NTNG1: variants seen among roughly 807,000 people sequenced by gnomAD.
NTNG1 encodes the protein netrin-G1.
In NTNG1, 16 loss-of-function variants were observed where a neutral mutation model predicts 54.0. That is an observed-to-expected ratio of 0.30 (90% CI 0.20 to 0.45). The LOEUF (loss-of-function observed/expected upper bound fraction) is 0.45. Ranked by LOEUF, NTNG1 falls within the 20% of genes least tolerant of loss-of-function variation. NTNG1 has a pLI of 1.00. For missense variants in NTNG1, 530 were observed against 678.7 expected, an observed-to-expected ratio of 0.78 and a Z score of 2.43; for synonymous variants, 255 against 263.1, an observed-to-expected ratio of 0.97 and a Z score of 0.30.
chr1:107,179,708 C>T (rs1384082679), intron 2 of NTNG1, among the ~76,000 whole-genome samples: 1 of 152,042 alleles, frequency 6.6e-6, no homozygotes, highest in Non-Finnish European at 1.5e-5. Context: ...AAAACTAGCA[C>T]TATTAGTTAT....
chr1:107,420,008 C>T (rs563326661), intron 5 of NTNG1, among the ~76,000 whole-genome samples: 1 of 152,076 alleles, frequency 6.6e-6, no homozygotes, highest in Admixed American at 6.6e-5. Flanking sequence ...GGCTTTATTC[C>T]TTGGCAAGTT....
At chr1:107,443,537 T>A (rs1570973591) in intron 7 of NTNG1, among the ~76,000 whole-genome samples, 1 of 152,250 alleles carries the variant, frequency 6.6e-6, no homozygotes, top group East Asian at 1.9e-4. Flanking sequence ...TGCGCCTAAC[T>A]TGTAATTTTT....
chr1:107,182,543 A>C (rs1001718437), intron 2 of NTNG1, among the ~76,000 whole-genome samples: 1 of 152,202 alleles, frequency 6.6e-6, no homozygotes, highest in Non-Finnish European at 1.5e-5. Context: ...CAAGAAAAAA[A>C]ATGATAAAAT....
chr1:107,363,113 AGGTT>A (rs1670391443), intron 3 of NTNG1, among the ~76,000 whole-genome samples: 3 of 152,230 alleles, frequency 2.0e-5, no homozygotes, highest in Non-Finnish European at 2.9e-5. Flanking sequence ...AATTACAGGC[AGGTT>A]TTTTCCTTGT....
At chr1:107,238,459 T>A (rs778588125) in intron 2 of NTNG1, among the ~76,000 whole-genome samples, 5 of 152,148 alleles carry the variant, frequency 3.3e-5, no homozygotes, top group Non-Finnish European at 5.9e-5. Context: ...AAGGCATGAT[T>A]GGTTTTGAAA....
At chr1:107,439,856 C>G (rs1438303281) in intron 7 of NTNG1, among the ~76,000 whole-genome samples, 1 of 151,826 alleles carries the variant, frequency 6.6e-6, no homozygotes, top group Admixed American at 6.6e-5. Flanking sequence ...TTAGTTGGTG[C>G]TGGAAGGTTG....
At chr1:107,284,864 T>C (rs1383708979) in intron 2 of NTNG1, among the ~76,000 whole-genome samples, 1 of 152,060 alleles carries the variant, frequency 6.6e-6, no homozygotes, top group Non-Finnish European at 1.5e-5. Flanking sequence ...CCTAACAGAA[T>C]TAACGCTAAC....
intron 2 of NTNG1, among the ~76,000 whole-genome samples, chr1:107,285,521 G>A (rs1008242526): frequency 1.3e-5 from 2 of 152,116 alleles, no homozygotes; most frequent in Admixed American, 6.6e-5. Flanking sequence ...CAACAGAAGT[G>A]AGTGCTGAAT....
chr1:107,142,317 T>TC (rs1653788837), intron 1 of NTNG1, among the ~76,000 whole-genome samples: 1 of 151,672 alleles, frequency 6.6e-6, no homozygotes, highest in African/African-American at 2.4e-5. Flanking sequence ...CTTTTTTTTT[T>TC]TTTCCTTCAG....
intron 2 of NTNG1, among the ~76,000 whole-genome samples, chr1:107,242,175 G>C (rs112693188): frequency 4.6e-5 from 7 of 152,062 alleles, no homozygotes; most frequent in African/African-American, 4.8e-5. Context: ...TTGGAGGAGG[G>C]GGGGTGAGGG....
intron 7 of NTNG1, among the ~76,000 whole-genome samples, chr1:107,480,077 C>T (rs964328220): frequency 1.3e-5 from 2 of 152,028 alleles, no homozygotes; most frequent in African/African-American, 4.8e-5. Context: ...CCCGTGTCCC[C>T]ACCCCTCCTC....
At chr1:107,325,072 T>G (rs2101880776) in intron 3 of NTNG1, 150 bp downstream of exon 3, 1 of 738,548 alleles carries the variant, frequency 1.4e-6, no homozygotes, top group East Asian at 2.6e-5. Context: ...GAAGGCATTC[T>G]GAGATCCCTC....
In NTNG1 at chr1:107,171,915, G is replaced by T. The variant is rs559447860; in HGVS notation, c.246+23076G>T. ...TTTCCCCTTTTTTTTTGTTTTCCTT[G>T]GTTTTTTATTTTTTATTTTTATTTT... On this transcript the variant is annotated intron_variant, in intron 2 of 7. Coordinates refer to ENST00000370068, the MANE Select transcript of NTNG1 (RefSeq NM_001113226.3). Among the ~76,000 whole-genome samples the T allele has an allele frequency of 2.0e-5, 3 of 151,832 alleles. No individual in the cohort carries two copies. In the South Asian group the frequency reaches 6.3e-4, roughly 32 times the overall value.
chr1:107,310,074 G>A (rs1666916159), intron 2 of NTNG1, among the ~76,000 whole-genome samples: 1 of 152,076 alleles, frequency 6.6e-6, no homozygotes. Flanking sequence ...CTAACCATAA[G>A]GGTGTTGAAT....
chr1:107,217,714 C>G (rs1379161696), intron 2 of NTNG1, among the ~76,000 whole-genome samples: 1 of 152,152 alleles, frequency 6.6e-6, no homozygotes, highest in African/African-American at 2.4e-5. Context: ...ACCTAACAAT[C>G]ATTCAGGAGC....
At chr1:107,428,725 CT>C (rs1171255284) in intron 5 of NTNG1, among the ~76,000 whole-genome samples, 3 of 152,054 alleles carry the variant, frequency 2.0e-5, no homozygotes, top group Non-Finnish European at 4.4e-5. Flanking sequence ...GAAAGATTGT[CT>C]TTATTTCAAA....
chr1:107,337,478 A>G (rs1178407554), intron 3 of NTNG1, among the ~76,000 whole-genome samples: 3 of 152,026 alleles, frequency 2.0e-5, no homozygotes, highest in Admixed American at 1.3e-4. Flanking sequence ...AAGAAGATTC[A>G]TTTGTAATGA....
chr1:107,396,293 A>T (rs1433086734), intron 4 of NTNG1, among the ~76,000 whole-genome samples: 2 of 152,160 alleles, frequency 1.3e-5, no homozygotes, highest in Non-Finnish European at 2.9e-5. Context: ...AGCAGCTGTG[A>T]GAAACCAAAC....
intron 2 of NTNG1, among the ~76,000 whole-genome samples, chr1:107,168,883 T>G (rs1368533491): frequency 6.6e-6 from 1 of 152,160 alleles, no homozygotes; most frequent in Non-Finnish European, 1.5e-5. Context: ...CAAATATACA[T>G]CATGTTTTTG....
Sources: gnomAD v4.1 joint callset for allele counts (sites outside exome capture counted in the v4.1 genomes callset) on GRCh38, gnomAD v4.1.1 for gene constraint, MANE v1.5 for transcripts, NCBI Gene and HGNC (gene_info 2026-07-23, HGNC 2026-07-21) for gene names.